CADPS2: variants seen among roughly 807,000 people sequenced by gnomAD.
CADPS2 encodes the protein calcium-dependent secretion activator 2.
A neutral mutation model predicts 172.5 loss-of-function variants in CADPS2; 93 were observed. That is an observed-to-expected ratio of 0.54 (90% CI 0.46 to 0.64). The LOEUF (loss-of-function observed/expected upper bound fraction) is 0.64. Ranked by LOEUF, CADPS2 falls within the 30% of genes least tolerant of loss-of-function variation. CADPS2 has a pLI of 0.00. For missense variants in CADPS2, 1,420 were observed against 1,565.9 expected (o/e 0.91, Z 1.57); for synonymous variants, 546 against 555.2 (o/e 0.98, Z 0.23).
intron 20 of CADPS2, among the ~76,000 whole-genome samples, chr7:122,395,687 C>G (rs571933619): frequency 6.6e-6 from 1 of 152,268 alleles, no homozygotes; most frequent in Admixed American, 6.5e-5. Context: ...CTTAAGAACT[C>G]TCATTCTCTT....
intron 6 of CADPS2, chr7:122,585,741 A>T (rs928485449): frequency 2.6e-5 from 4 of 152,040 alleles, no homozygotes; most frequent in Admixed American, 6.6e-5. Flanking sequence ...TCGAATGAAT[A>T]AAAATCTACA....
At chr7:122,850,928 T>C (rs1407615437) in intron 1 of CADPS2, among the ~76,000 whole-genome samples, 1 of 152,194 alleles carries the variant, frequency 6.6e-6, no homozygotes, top group African/African-American at 2.4e-5. Context: ...AGCAATATTC[T>C]TACCCTGCCC....
chr7:122,516,604 C>G (rs1013856442), intron 8 of CADPS2, among the ~76,000 whole-genome samples: 1 of 151,920 alleles, frequency 6.6e-6, no homozygotes, highest in Non-Finnish European at 1.5e-5. Context: ...AGAATAAACA[C>G]TCAAAAACAA....
rs1401510116 is a variant in CADPS2, at chr7:122,672,839, G to A, written c.454-9270C>T. Among the ~76,000 whole-genome samples the A allele has an allele frequency of 4.6e-5, 7 of 152,314 alleles. 1 individual carries two copies. Among genetic ancestry groups the A allele is most frequent in the South Asian group, 4.1e-4 (2 of 4,826 alleles). The stretch of plus-strand genomic sequence containing the variant: ...AAAACTATGACATACCACTGTGTCC[G>A]GAATTGGTGGGTTCTTTGTCTTGCT... On this transcript the variant is annotated intron_variant, in intron 2 of 29. Coordinates refer to ENST00000449022, the MANE Select transcript of CADPS2 (RefSeq NM_017954.11).
intron 24 of CADPS2, among the ~76,000 whole-genome samples, chr7:122,385,861 T>C (rs2043596476): frequency 6.6e-6 from 1 of 152,094 alleles, no homozygotes; most frequent in South Asian, 2.1e-4. Context: ...TTAGGGGCTA[T>C]ATGTCATCTA....
chr7:122,417,865 T>C (rs931934804), intron 17 of CADPS2, among the ~76,000 whole-genome samples: 1 of 152,014 alleles, frequency 6.6e-6, no homozygotes, highest in East Asian at 1.9e-4. Context: ...AGAGAAGAAA[T>C]ACTGTATGAC....
chr7:122,860,231 A>G (rs368252649), intron 1 of CADPS2, among the ~76,000 whole-genome samples: 4 of 152,038 alleles, frequency 2.6e-5, no homozygotes, highest in African/African-American at 9.7e-5. Context: ...AGTACCTGAC[A>G]CAACATTTTT....
intron 25 of CADPS2, among the ~76,000 whole-genome samples, chr7:122,367,264 GAAA>G (rs2041038500): frequency 6.6e-6 from 1 of 151,930 alleles, no homozygotes; most frequent in Non-Finnish European, 1.5e-5. Context: ...AAATCCAGGG[GAAA>G]ATATTCTAAG....
chr7:122,388,700 A>G lies in CADPS2; in HGVS notation c.3047T>C (p.Leu1016Pro). The G allele has an allele frequency of 2.9e-5, 46 of 1,609,632 alleles. No homozygotes were observed. The highest frequency in any genetic ancestry group is 3.7e-5 in the Non-Finnish European group (44 of 1,177,216). The change falls in exon 23 of 30, where the codon CTT becomes CCT. Residue 1016 changes from leucine to proline, a missense_variant. By Grantham distance (98) the Leu-to-Pro change is moderately conservative. Coordinates refer to ENST00000449022, the MANE Select transcript of CADPS2 (RefSeq NM_017954.11). The stretch of plus-strand genomic sequence containing the variant: ...AAAGACAAACATTTGCAGTGCATCA[A>G]GCTTCCAAAAAAGGTCTTCTGATGT... ...SATSEDLFWKLDALQMFVFDL... is the reference protein window; with the variant it reads ...SATSEDLFWKPDALQMFVFDL...
chr7:122,424,381 A>G, intron 17 of CADPS2: 1 of 973,634 alleles, frequency 1.0e-6, no homozygotes, highest in South Asian at 4.8e-5. Context: ...CAGCTGTTGA[A>G]CAAAGGAGAA....
Position 122,834,428 on chromosome 7 carries a change from A to G in CADPS2, c.339+51571T>C, listed in dbSNP as rs576378040. On this transcript the variant is annotated intron_variant, in intron 1 of 29. Transcript: ENST00000449022. ...GGGTTCATCTCACTGAGGTGTGTCA[A>G]ACAGTGGGTGCAGGACAGCGGGTGC... Among the ~76,000 whole-genome samples, 21 of 152,272 alleles carry G rather than the reference A, an allele frequency of 1.4e-4. No homozygotes were observed. The South Asian group carries it at 4.4e-3, about 32-fold the overall frequency.
chr7:122,419,344 A>G (rs1007184566), intron 17 of CADPS2, among the ~76,000 whole-genome samples: 7 of 152,222 alleles, frequency 4.6e-5, no homozygotes, highest in African/African-American at 1.7e-4. Flanking sequence ...ACACTTCTCA[A>G]ATAACTGACA....
chr7:122,748,295 T>C (rs1488197272), intron 1 of CADPS2, among the ~76,000 whole-genome samples: 1 of 152,152 alleles, frequency 6.6e-6, no homozygotes, highest in Non-Finnish European at 1.5e-5. Context: ...GAGCAAAGGA[T>C]TTCTTTGTTG....
At chr7:122,718,085 C>T (rs1041399184) in intron 2 of CADPS2, among the ~76,000 whole-genome samples, 1 of 149,100 alleles carries the variant, frequency 6.7e-6, no homozygotes, top group Non-Finnish European at 1.5e-5. Context: ...CATGCCTCAG[C>T]CTCCTAAAAT....
At chr7:122,326,124 C>T (rs1446973617) in intron 28 of CADPS2, among the ~76,000 whole-genome samples, 2 of 151,166 alleles carry the variant, frequency 1.3e-5, no homozygotes, top group Admixed American at 6.6e-5. Flanking sequence ...TCAATCACAC[C>T]TTTATCAATT....
intron 8 of CADPS2, among the ~76,000 whole-genome samples, chr7:122,518,157 A>C (rs1053427395): frequency 6.6e-6 from 1 of 152,032 alleles, no homozygotes; most frequent in East Asian, 1.9e-4. Context: ...GAGTTACTCT[A>C]TATAGAAAGA....
chr7:122,471,327 C>T (rs759524912), intron 14 of CADPS2, 48 bp downstream of exon 14: 3 of 1,295,174 alleles, frequency 2.3e-6, no homozygotes, highest in East Asian at 7.4e-5. Flanking sequence ...TCTCTCTTTT[C>T]CATAGTCAAC....
intron 2 of CADPS2, among the ~76,000 whole-genome samples, chr7:122,708,554 T>C (rs1418827476): frequency 9.5e-6 from 1 of 105,304 alleles, no homozygotes; most frequent in Non-Finnish European, 2.0e-5. Context: ...TATATATATA[T>C]ATATATATAT....
At chr7:122,808,666 AG>A (rs1799336571) in intron 1 of CADPS2, among the ~76,000 whole-genome samples, 1 of 152,224 alleles carries the variant, frequency 6.6e-6, no homozygotes, top group Non-Finnish European at 1.5e-5. Flanking sequence ...ACAGAGGTAT[AG>A]TACCCTTATG....
Sources: gnomAD v4.1 joint callset for allele counts (sites outside exome capture counted in the v4.1 genomes callset) on GRCh38, gnomAD v4.1.1 for gene constraint, MANE v1.5 for transcripts, NCBI Gene and HGNC (gene_info 2026-07-23, HGNC 2026-07-21) for gene names.